PTPRA: variants seen among roughly 807,000 people sequenced by gnomAD.
The protein encoded by PTPRA is receptor-type tyrosine-protein phosphatase alpha.
PTPRA carries 25 observed loss-of-function variants against 104.8 expected under a neutral mutation model. The observed-to-expected ratio is 0.24, with a 90% CI of 0.17 to 0.33. The LOEUF (loss-of-function observed/expected upper bound fraction) is 0.33. Among genes scored for constraint, PTPRA ranks in the 10% least tolerant of loss-of-function variants. The pLI, the probability that PTPRA is intolerant of heterozygous loss-of-function variation, is 1.00. For missense variants in PTPRA, 765 were observed against 1,015.3 expected (o/e 0.75, Z 3.35); for synonymous variants, 323 against 368.9 (o/e 0.88, Z 1.43).
the PTPRA span, among the ~76,000 whole-genome samples, chr20:2,868,075 C>T: frequency 6.6e-6 from 1 of 152,158 alleles, no homozygotes; most frequent in Non-Finnish European, 1.5e-5. Context: ...AACTCACACA[C>T]TTGGTGAGTG....
intron 9 of PTPRA, among the ~76,000 whole-genome samples, chr20:2,992,544 C>T (rs943777040): frequency 6.6e-6 from 1 of 151,930 alleles, no homozygotes; most frequent in Admixed American, 6.6e-5. Flanking sequence ...CAAAAAAACC[C>T]CTAGTTTACG....
chr20:2,881,291 A>T (rs138137086), intron 1 of PTPRA, among the ~76,000 whole-genome samples: 2,099 of 152,012 alleles, frequency 0.014, 54 homozygotes, highest in African/African-American at 0.047. Context: ...AGCCTGGGTG[A>T]CAGAGCAAGA....
At chr20:2,942,458 T>C (rs995219314) in intron 2 of PTPRA, among the ~76,000 whole-genome samples, 68 of 152,246 alleles carry the variant, frequency 4.5e-4, no homozygotes, top group African/African-American at 1.5e-3. Context: ...AATGTCTCTT[T>C]TAAACAGCAT....
chr20:3,000,913 T>C (rs2063597072), intron 9 of PTPRA, among the ~76,000 whole-genome samples: 1 of 152,128 alleles, frequency 6.6e-6, no homozygotes, highest in Non-Finnish European at 1.5e-5. Context: ...AGGAAGAGGA[T>C]ATAAGGAGAG....
chr20:2,909,987 TC>T (rs2059592927), intron 1 of PTPRA, among the ~76,000 whole-genome samples: 3 of 95,848 alleles, frequency 3.1e-5, no homozygotes, highest in African/African-American at 1.3e-4. Context: ...CTATCATATA[TC>T]ATATATATAA....
chr20:2,985,884 CTTGTTTGTTTGTTTG>C (rs2062880490), intron 6 of PTPRA, among the ~76,000 whole-genome samples: 2 of 148,640 alleles, frequency 1.3e-5, no homozygotes, highest in African/African-American at 5.0e-5. Context: ...CAGCTGTCTC[CTTGTTTGTTTGTTTG>C]TTTGTTTGTT....
At chr20:3,000,001 G>A (rs544626560) in intron 9 of PTPRA, among the ~76,000 whole-genome samples, 1 of 152,150 alleles carries the variant, frequency 6.6e-6, no homozygotes, top group South Asian at 2.1e-4. Context: ...AAGAAAATAA[G>A]TAGGCTGGGC....
chr20:3,007,897 G>T (rs1007192666), intron 11 of PTPRA, among the ~76,000 whole-genome samples: 1 of 152,048 alleles, frequency 6.6e-6, no homozygotes. Context: ...CCTGAGGGAA[G>T]AGCTGATACT....
At chr20:3,036,523 G>A (rs1453719591) in intron 22 of PTPRA, among the ~76,000 whole-genome samples, 1 of 152,224 alleles carries the variant, frequency 6.6e-6, no homozygotes, top group East Asian at 1.9e-4. Context: ...TTCCCAGGCA[G>A]CCACAGGGCT....
At chr20:2,911,315 G>C (rs1033068370) in intron 1 of PTPRA, among the ~76,000 whole-genome samples, 1 of 152,116 alleles carries the variant, frequency 6.6e-6, no homozygotes, top group Non-Finnish European at 1.5e-5. Flanking sequence ...AACAGTAACA[G>C]AACCTGGTAG....
intron 17 of PTPRA, among the ~76,000 whole-genome samples, chr20:3,025,173 G>A (rs1045752634): frequency 3.3e-5 from 5 of 152,162 alleles, no homozygotes; most frequent in Admixed American, 2.0e-4. Flanking sequence ...TGCTCTCCCA[G>A]GCTGGGCACA....
Position 2,909,960 on chromosome 20 carries a change from TA to T in PTPRA, c.-128-13246del, listed in dbSNP as rs2059586545. Reference sequence around the variant, plus strand: ...ATATGTGTAATTATATATTATAATATATGATATATATATAATCTATCATATA... The same window carrying T: ...ATATGTGTAATTATATATTATAATATTGATATATATATAATCTATCATATA... On this transcript the variant is annotated intron_variant, in intron 1 of 23. Transcript: ENST00000399903. 2.4e-5 allele frequency among the ~76,000 whole-genome samples: 3 copies of T among 123,822 alleles called. 1 individual carries two copies. Among genetic ancestry groups the T allele is most frequent in the African/African-American group, 9.8e-5 (3 of 30,488 alleles). 81.2% of individuals were successfully genotyped at this position (123,822 alleles called of 152,430 possible). A position where few individuals can be genotyped will look rare whatever the true frequency, so the allele number is the denominator to read the frequency against.
intron 1 of PTPRA, among the ~76,000 whole-genome samples, chr20:2,900,322 C>T (rs745870562): frequency 6.6e-6 from 1 of 152,044 alleles, no homozygotes; most frequent in South Asian, 2.1e-4. Context: ...TCACATTGTC[C>T]TTTTTACTCA....
chr20:2,946,219 G>A (rs1449481491), intron 2 of PTPRA, among the ~76,000 whole-genome samples: 1 of 152,040 alleles, frequency 6.6e-6, no homozygotes, highest in South Asian at 2.1e-4. Flanking sequence ...GAGGAGGGAG[G>A]GGAGGTTGCG....
intron 1 of PTPRA, among the ~76,000 whole-genome samples, chr20:2,918,820 G>T (rs187129552): frequency 1.5e-4 from 23 of 152,126 alleles, no homozygotes; most frequent in Non-Finnish European, 3.4e-4. Flanking sequence ...AGATTTTGGA[G>T]TCATGTACAC....
intron 9 of PTPRA, among the ~76,000 whole-genome samples, chr20:3,000,140 T>G (rs2063566940): frequency 6.6e-6 from 1 of 151,670 alleles, no homozygotes; most frequent in Admixed American, 6.6e-5. Context: ...CAAAAAAAAT[T>G]AGCCAGGTGT....
At chr20:3,013,009 T>G (rs552213197) in intron 11 of PTPRA, among the ~76,000 whole-genome samples, 1 of 152,306 alleles carries the variant, frequency 6.6e-6, no homozygotes, top group South Asian at 2.1e-4. Flanking sequence ...CACATATAAC[T>G]GCAGCCCATC....
In PTPRA at chr20:3,017,871, A is replaced by G; in HGVS notation, c.999A>G (p.Thr333=). 6.2e-7 allele frequency: 1 copy of G among 1,614,232 alleles called. No individual in the cohort carries two copies. Among genetic ancestry groups the G allele is most frequent in the Non-Finnish European group, 8.5e-7 (1 of 1,180,022 alleles). ...DFWRMIWEQN[T]ATIVMVTNLK... is the part of the protein sequence containing the mutation. ...GGCGGATGATCTGGGAACAAAACACAGCCACCATCGTCATGGTTACCAACC... is the reference window on the plus strand; with the variant it reads ...GGCGGATGATCTGGGAACAAAACACGGCCACCATCGTCATGGTTACCAACC... Residue 333 remains threonine, a synonymous_variant, in exon 13 of 24, where the codon ACA becomes ACG. Coordinates refer to ENST00000399903, the MANE Select transcript of PTPRA (RefSeq NM_001385305.1).
the PTPRA span, chr20:2,865,037 G>A: frequency 4.3e-6 from 7 of 1,614,194 alleles, no homozygotes; most frequent in Non-Finnish European, 5.9e-6. This position sits in a 1 kb window ranked among gnomAD's most constrained non-coding sequence, Gnocchi z 5.2. Flanking sequence ...ACAAGGCCAA[G>A]AATGAGTTTG....
Sources: allele counts gnomAD v4.1 joint callset (sites outside exome capture counted in the v4.1 genomes callset), GRCh38; gene constraint gnomAD v4.1.1; non-coding constraint Gnocchi (gnomAD v3.1); transcripts MANE v1.5; gene names NCBI Gene and HGNC (gene_info 2026-07-23, HGNC 2026-07-21).